The following SLC41A2 variants were observed in gnomAD, a reference collection of about 807,000 sequenced individuals.
SLC41A2 encodes the protein SLC41A1-like 1.
SLC41A2 carries 32 observed loss-of-function variants against 58.3 expected under a neutral mutation model. The observed-to-expected ratio is 0.55, with a 90% CI of 0.41 to 0.74. The LOEUF is 0.74. SLC41A2 is among the 30% of genes least tolerant of loss of function. The pLI, the probability that SLC41A2 is intolerant of heterozygous loss-of-function variation, is 0.00. For missense variants in SLC41A2, 514 were observed against 680.6 expected (o/e 0.76, Z 2.72); for synonymous variants, 190 against 235.0 (o/e 0.81, Z 1.75).
At chr12:104,893,661 A>T (rs2045128647) in intron 4 of SLC41A2, among the ~76,000 whole-genome samples, 1 of 152,234 alleles carries the variant, frequency 6.6e-6, no homozygotes. Context: ...TACAAAATGG[A>T]GCACTATTCA....
intron 1 of SLC41A2, among the ~76,000 whole-genome samples, chr12:104,952,798 T>C (rs1416470031): frequency 6.6e-6 from 1 of 152,148 alleles, no homozygotes; most frequent in African/African-American, 2.4e-5. Context: ...TGTACCACAT[T>C]CTCACACCTC....
chr12:104,952,513 G>A (rs2047994057), intron 1 of SLC41A2, among the ~76,000 whole-genome samples: 1 of 152,148 alleles, frequency 6.6e-6, no homozygotes, highest in South Asian at 2.1e-4. Flanking sequence ...GGTACCCAAA[G>A]AGACCTTTTT....
chr12:104,886,285 C>G lies in SLC41A2; in HGVS notation c.1027+8G>C, dbSNP rs199799894. ...CAACACACAATATTTAGTTTTAAATCAACTTACCAAGACAGGAGTATAAGC... is the reference window on the plus strand; with the variant it reads ...CAACACACAATATTTAGTTTTAAATGAACTTACCAAGACAGGAGTATAAGC... On this transcript the variant is annotated splice_region_variant and intron_variant, in intron 6 of 10. Coordinates refer to ENST00000258538, the MANE Select transcript of SLC41A2 (RefSeq NM_001352171.3). The G allele has an allele frequency of 5.0e-6, 8 of 1,610,536 alleles. No homozygotes were observed. The highest frequency in any genetic ancestry group is 1.3e-5 in the African/African-American group (1 of 74,704).
At position 104,942,476 on chromosome 12, in the gene SLC41A2, C is replaced by CAAA. The variant is rs34008453; in HGVS notation, c.-167-13785_-167-13783dup. The stretch of plus-strand genomic sequence containing the variant: ...CTGGGCCATAGAGTGAGATCTTGTC[C>CAAA]AAAAAAAAAAAAAAACCATGTTAAA... On this transcript the variant is annotated intron_variant, in intron 1 of 10. Transcript: ENST00000258538. Among the ~76,000 whole-genome samples, 198 of 131,446 alleles carry CAAA rather than the reference C, an allele frequency of 1.5e-3. 1 individual carries two copies. Among genetic ancestry groups the CAAA allele is most frequent in the South Asian group, 5.2e-3 (22 of 4,230 alleles). The allele number at this position is 131,446 out of a possible 152,430, so 86.2% of individuals were successfully genotyped here.
At chr12:104,861,625 C>T (rs1326943268) in intron 7 of SLC41A2, among the ~76,000 whole-genome samples, 5 of 152,138 alleles carry the variant, frequency 3.3e-5, no homozygotes, top group Admixed American at 2.0e-4. Context: ...AAAAAGCATA[C>T]GCTTTAAATG....
chr12:104,880,529 C>CAT (rs2044310321), intron 6 of SLC41A2, among the ~76,000 whole-genome samples: 2 of 152,002 alleles, frequency 1.3e-5, no homozygotes, highest in South Asian at 2.1e-4. Flanking sequence ...GCATGAAGGG[C>CAT]TGTTGAATTT....
intron 1 of SLC41A2, among the ~76,000 whole-genome samples, chr12:104,948,224 A>G (rs2047805648): frequency 6.6e-6 from 1 of 152,188 alleles, no homozygotes; most frequent in Non-Finnish European, 1.5e-5. Context: ...TACACTGGAT[A>G]ATGACGAAAA....
chr12:104,895,236 A>T, intron 4 of SLC41A2, 38 bp downstream of exon 4: 1 of 1,478,290 alleles, frequency 6.8e-7, no homozygotes, highest in Non-Finnish European at 9.4e-7. Context: ...CAAAATTTGT[A>T]CACCCAAGAT....
chr12:104,881,938 G>A (rs2135607543), intron 6 of SLC41A2, among the ~76,000 whole-genome samples: 1 of 152,208 alleles, frequency 6.6e-6, no homozygotes, highest in Non-Finnish European at 1.5e-5. Flanking sequence ...CACTATTATT[G>A]TGTGGGAGTC....
intron 6 of SLC41A2, among the ~76,000 whole-genome samples, chr12:104,885,884 G>A (rs1260210780): frequency 6.6e-6 from 1 of 151,958 alleles, no homozygotes. Context: ...CCACTTATAA[G>A]CTTATATTCT....
chr12:104,853,911 A>ATTATTATTTTTTTTTTTTT lies in SLC41A2; in HGVS notation c.1255+7379_1255+7380insAAAAAAAAAAAAATAATAA. On this transcript the variant is annotated intron_variant, in intron 8 of 10. Transcript: ENST00000258538. Reference sequence around the variant, plus strand: ...GGGTGCATGTCACCATGCCTGGCTGATTTTTTTTTTTTTTTTTTTTTTTTT... The same window carrying ATTATTATTTTTTTTTTTTT: ...GGGTGCATGTCACCATGCCTGGCTGATTATTATTTTTTTTTTTTTTTTTTTTTTTTTTTTTTTTTTTTTT... 4.8e-3 allele frequency among the ~76,000 whole-genome samples: 287 copies of ATTATTATTTTTTTTTTTTT among 59,466 alleles called. 23 individuals are homozygous for ATTATTATTTTTTTTTTTTT. Among genetic ancestry groups the ATTATTATTTTTTTTTTTTT allele is most frequent in the East Asian group, 0.023 (53 of 2,282 alleles). 39.0% of individuals were successfully genotyped at this position (59,466 alleles called of 152,430 possible). A position where few individuals can be genotyped will look rare whatever the true frequency, so the allele number is the denominator to read the frequency against.
intron 7 of SLC41A2, 72 bp from the exon 8 acceptor site, chr12:104,861,442 GAC>G: frequency 1.2e-6 from 1 of 823,794 alleles, no homozygotes; most frequent in East Asian, 2.7e-5. Context: ...TGTACATACA[GAC>G]ACCCCTCCTT....
At chr12:104,920,612 G>T (rs1308768456) in intron 2 of SLC41A2, among the ~76,000 whole-genome samples, 1 of 151,810 alleles carries the variant, frequency 6.6e-6, no homozygotes, top group Non-Finnish European at 1.5e-5. Flanking sequence ...ACCCTGTCTC[G>T]ACAAAATTTT....
chr12:104,935,650 C>T (rs1013049933), intron 1 of SLC41A2, among the ~76,000 whole-genome samples: 2 of 152,126 alleles, frequency 1.3e-5, no homozygotes, highest in African/African-American at 4.8e-5. Flanking sequence ...ACACAAAGGC[C>T]ACTCTGACTA....
intron 1 of SLC41A2, among the ~76,000 whole-genome samples, chr12:104,934,954 T>C (rs1368885697): frequency 6.6e-6 from 1 of 152,042 alleles, no homozygotes; most frequent in Non-Finnish European, 1.5e-5. Context: ...TTTTTGTTTT[T>C]TTTGTTTGTT....
chr12:104,950,808 C>A (rs535008082), intron 1 of SLC41A2, among the ~76,000 whole-genome samples: 13 of 152,220 alleles, frequency 8.5e-5, no homozygotes, highest in African/African-American at 3.1e-4. Flanking sequence ...TATTACCCAA[C>A]TTGAGAAGAC....
In SLC41A2 at chr12:104,940,918, G is replaced by C. The variant is rs537819742; in HGVS notation, c.-167-12224C>G. Among the ~76,000 whole-genome samples, 4 of 128,412 alleles carry C rather than the reference G, an allele frequency of 3.1e-5. No individual in the cohort carries two copies. The East Asian group carries it at 8.7e-4, about 28-fold the overall frequency. The allele number at this position is 128,412 out of a possible 152,430, so 84.2% of individuals were successfully genotyped here. Reference sequence around the variant, plus strand: ...GTGATCCGCCTGCCTCCGAGTGACAGAGCAAGACTCTGCCTCAAAAAAAAA... The same window carrying C: ...GTGATCCGCCTGCCTCCGAGTGACACAGCAAGACTCTGCCTCAAAAAAAAA... On this transcript the variant is annotated intron_variant, in intron 1 of 10. Coordinates refer to ENST00000258538, the MANE Select transcript of SLC41A2 (RefSeq NM_001352171.3).
intron 8 of SLC41A2, 138 bp from the exon 9 acceptor site, chr12:104,846,112 T>C: frequency 1.2e-6 from 1 of 831,252 alleles, no homozygotes; most frequent in Non-Finnish European, 1.8e-6. Flanking sequence ...TGTTGATCTA[T>C]TTAATGTTGA....
chr12:104,919,908 G>T (rs2135836586), intron 2 of SLC41A2, among the ~76,000 whole-genome samples: 1 of 152,160 alleles, frequency 6.6e-6, no homozygotes, highest in East Asian at 1.9e-4. Context: ...GAAATCCTGA[G>T]ATTTTCTCCT....
Sources: gnomAD v4.1 joint callset for allele counts (sites outside exome capture counted in the v4.1 genomes callset) on GRCh38, gnomAD v4.1.1 for gene constraint, MANE v1.5 for transcripts, NCBI Gene and HGNC (gene_info 2026-07-23, HGNC 2026-07-21) for gene names.